Variants in SLC25A47 observed in about 807,000 individuals in gnomAD.
SLC25A47 encodes HCC-down-regulated mitochondrial carrier protein.
Under a neutral mutation model 29.8 loss-of-function variants are expected in SLC25A47, and 30 were observed. That is an observed-to-expected ratio of 1.01 (90% CI 0.75 to 1.36). The LOEUF is 1.36. Ranked by LOEUF, SLC25A47 falls within the 40% of genes most tolerant of loss-of-function variation. SLC25A47 has a pLI of 0.00. For synonymous variants in SLC25A47, 204 were observed against 197.8 expected, an observed-to-expected ratio of 1.03 and a Z score of -0.26; for missense variants, 430 against 441.9, an observed-to-expected ratio of 0.97 and a Z score of 0.24.
rs2040889959 is a variant in SLC25A47, at chr14:100,326,186, A to G, written c.102A>G (p.Thr34=). ...KVRIQTEPKY[T]GIWHCVRDTY... is the part of the protein sequence containing the mutation. The stretch of plus-strand genomic sequence containing the variant: ...GGATCCAGACGGAGCCAAAGTACAC[A>G]GGCATCTGGCACTGCGTCCGGGATA... The change falls in exon 3 of 6, where the codon ACA becomes ACG. Residue 34 remains threonine (T), a synonymous_variant. Transcript: ENST00000361529. 2 of 1,613,802 alleles carry G rather than the reference A, an allele frequency of 1.2e-6. No individual in the cohort carries two copies. Among genetic ancestry groups the G allele is most frequent in the Non-Finnish European group, 1.7e-6 (2 of 1,179,950 alleles).
At position 100,329,111 on chromosome 14, in the gene SLC25A47, T is replaced by A. The variant is rs1893399886; in HGVS notation, c.646+67T>A. The A allele has an allele frequency of 3.9e-6, 6 of 1,529,630 alleles. 1 individual carries two copies. In the Admixed American group the frequency reaches 1.2e-4, roughly 31 times the overall value. 94.8% of individuals were successfully genotyped at this position (1,529,630 alleles called of 1,614,324 possible). A position where few individuals can be genotyped will look rare whatever the true frequency, so the allele number is the denominator to read the frequency against. On this transcript the variant is annotated intron_variant, in intron 5 of 5. Transcript: ENST00000361529. ...GGATGAGGAGGTCAAGGTGAGGTCGTGCTGCCCGCCAGTACCCGAGTGGGG... is the reference window on the plus strand; with the variant it reads ...GGATGAGGAGGTCAAGGTGAGGTCGAGCTGCCCGCCAGTACCCGAGTGGGG...
In SLC25A47 at chr14:100,329,878, G is replaced by T; in HGVS notation, c.*233G>T. ...CCAGGGTTGGCCTAGGGTGGCAGGAGCCAGGGAGGAGTGGGCCTCTTTGAT... is the reference window on the plus strand; with the variant it reads ...CCAGGGTTGGCCTAGGGTGGCAGGATCCAGGGAGGAGTGGGCCTCTTTGAT... On this transcript the variant is annotated 3_prime_UTR_variant, in exon 6 of 6. Coordinates refer to ENST00000361529, the MANE Select transcript of SLC25A47 (RefSeq NM_207117.4). 1.7e-6 allele frequency: 1 copy of T among 597,512 alleles called. No homozygotes were observed. 37.0% of individuals were successfully genotyped at this position (597,512 alleles called of 1,614,324 possible). A position where few individuals can be genotyped will look rare whatever the true frequency, so the allele number is the denominator to read the frequency against.
chr14:100,329,136 G>C, intron 5 of SLC25A47, 92 bp downstream of exon 5: 1 of 1,438,626 alleles, frequency 7.0e-7, no homozygotes, highest in Admixed American at 2.3e-5. Flanking sequence ...CCCGAGTGGG[G>C]GCTTGAACTT....
intron 1 of SLC25A47, among the ~76,000 whole-genome samples, chr14:100,325,049 GT>G (rs1205464114): frequency 6.6e-6 from 1 of 152,216 alleles, no homozygotes; most frequent in Non-Finnish European, 1.5e-5. Flanking sequence ...ATAGGGTACA[GT>G]CCCCATGTGC....
At position 100,325,667 on chromosome 14, in the gene SLC25A47, A is replaced by G. The variant is rs113667929; in HGVS notation, c.29-121A>G. 1.3e-5 allele frequency: 13 copies of G among 992,386 alleles called. 2 individuals are homozygous for G. The highest frequency in any genetic ancestry group is 8.1e-5 in the South Asian group (5 of 61,388). 61.5% of individuals were successfully genotyped at this position (992,386 alleles called of 1,614,324 possible). ...GACCTGGTGCAGACCAGAAGGGCCA[A>G]ATGTGGGTCTGCCCTTGGGGGAGCC... On this transcript the variant is annotated intron_variant, in intron 1 of 5. Transcript: ENST00000361529.
rs770917714 is a variant in SLC25A47, at chr14:100,329,429, C to G, written c.711C>G (p.Pro237=). Residue 237 remains proline (P), a synonymous_variant, in exon 6 of 6, where the codon CCC becomes CCG. Transcript: ENST00000361529. ...TCCTGGCCTGGGCTGTGGCCACCCCCATGGACGTGATCAAGTCGAGACTGC... is the reference window on the plus strand; with the variant it reads ...TCCTGGCCTGGGCTGTGGCCACCCCGATGGACGTGATCAAGTCGAGACTGC... ...AGVLAWAVAT[P]MDVIKSRLQA... 3.7e-6 allele frequency: 6 copies of G among 1,613,288 alleles called. No homozygotes were observed. Among genetic ancestry groups the G allele is most frequent in the Non-Finnish European group, 5.1e-6 (6 of 1,179,980 alleles).
chr14:100,325,103 A>G lies in SLC25A47; in HGVS notation c.29-685A>G, dbSNP rs1280535256. 2.6e-4 allele frequency among the ~76,000 whole-genome samples: 39 copies of G among 152,066 alleles called. 1 individual carries two copies. The highest frequency in any genetic ancestry group is 2.5e-3 in the Admixed American group (38 of 15,268). On this transcript the variant is annotated intron_variant, in intron 1 of 5. Coordinates refer to ENST00000361529, the MANE Select transcript of SLC25A47 (RefSeq NM_207117.4). ...CCTTTACCACCTCCCCTCAGGGGAGAGAATGGTCCTCCCAGGGACCACCCT... is the reference window on the plus strand; with the variant it reads ...CCTTTACCACCTCCCCTCAGGGGAGGGAATGGTCCTCCCAGGGACCACCCT...
chr14:100,328,909 C>A lies in SLC25A47; in HGVS notation c.511C>A (p.Arg171Ser). 1 of 1,610,204 alleles carries A rather than the reference C, an allele frequency of 6.2e-7. No individual in the cohort carries two copies. The highest frequency in any genetic ancestry group is 8.5e-7 in the Non-Finnish European group (1 of 1,179,824). The change falls in exon 5 of 6, where the codon CGT becomes AGT. Residue 171 changes from arginine to serine, a missense_variant. Arg to Ser is a moderately radical substitution (Grantham distance 110, BLOSUM62 -1). Transcript: ENST00000361529. ...GPLHCLATVAREEGLCGLYKG... is the reference protein window; with the variant it reads ...GPLHCLATVASEEGLCGLYKG... Reference sequence around the variant, plus strand: ...ACTGCACTGCCTGGCCACGGTAGCCCGTGAGGAGGGGCTGTGCGGCCTCTA... The same window carrying A: ...ACTGCACTGCCTGGCCACGGTAGCCAGTGAGGAGGGGCTGTGCGGCCTCTA...
chr14:100,329,294 G>A lies in SLC25A47; in HGVS notation c.647-71G>A, dbSNP rs571230814. The A allele has an allele frequency of 3.1e-4, 466 of 1,509,164 alleles. 5 individuals are homozygous for A. The East Asian group carries it at 9.9e-3, about 32-fold the overall frequency. The allele number at this position is 1,509,164 out of a possible 1,614,324, so 93.5% of individuals were successfully genotyped here. A position where few individuals can be genotyped will look rare whatever the true frequency, so the allele number is the denominator to read the frequency against. On this transcript the variant is annotated intron_variant, in intron 5 of 5. Transcript: ENST00000361529. ...TTGCAAATGAGGACGGGCCGGAAGC[G>A]TGAGTCCAGGGTGCGCTGCCCTGGG...
rs1220866672 is a variant in SLC25A47 at position 100,328,795 on chromosome 14, C to A, written c.397C>A (p.Gln133Lys). 1 of 1,612,846 alleles carries A rather than the reference C, an allele frequency of 6.2e-7. No individual in the cohort carries two copies. Among genetic ancestry groups the A allele is most frequent in the African/African-American group, 1.3e-5 (1 of 74,948 alleles). ...GACGCAGACACAGGCGCAGAAGCAG[C>A]AGCGGCGGCTTTCGGCCTCGGGGCC... is the stretch of plus-strand genomic sequence containing the variant. ...LQTQTQAQKQ[Q>K]RRLSASGPLA... Residue 133 changes from glutamine to lysine, a missense_variant, in exon 5 of 6, where the codon CAG (glutamine) becomes AAG (lysine). Transcript: ENST00000361529.
chr14:100,327,862 G>C (rs1893370136), intron 4 of SLC25A47, among the ~76,000 whole-genome samples: 1 of 152,256 alleles, frequency 6.6e-6, no homozygotes, highest in Non-Finnish European at 1.5e-5. Context: ...ACAGCACGGA[G>C]CCAGCTGGAG....
Position 100,328,845 on chromosome 14 carries a change from T to C in SLC25A47, c.447T>C (p.Pro149=). ...CGTTGGCTGTGCCCCCCATGTGTCC[T>C]GTGCCCCCAGCCTGCCCAGAGCCCA... The part of the protein sequence containing the change: ...SGPLAVPPMC[P]VPPACPEPKY... The change falls in exon 5 of 6, where the codon CCT becomes CCC. Residue 149 remains proline, a synonymous_variant. Transcript: ENST00000361529. 6.2e-7 allele frequency: 1 copy of C among 1,612,486 alleles called. No homozygotes were observed.
Position 100,323,398 on chromosome 14 carries a change from C to G in SLC25A47, c.-17C>G, listed in dbSNP as rs1893282221. 1.2e-6 allele frequency: 2 copies of G among 1,613,430 alleles called. No homozygotes were observed. The highest frequency in any genetic ancestry group is 1.1e-5 in the South Asian group (1 of 91,082). ...CTCAGGCAGGCAGACCCAGGGCCTC[C>G]CCGCCACACCTTGTTCATGGATTTT... On this transcript the variant is annotated 5_prime_UTR_variant, in exon 1 of 6. Transcript: ENST00000361529.
intron 3 of SLC25A47, 83 bp downstream of exon 3, chr14:100,326,311 C>A: frequency 7.8e-7 from 1 of 1,288,040 alleles, no homozygotes; most frequent in Non-Finnish European, 1.1e-6. Flanking sequence ...TGATGCCAGG[C>A]TCCCCGCTGG....
rs546306523 is a variant in SLC25A47, at chr14:100,325,841, T to TAGCC, written c.72+15_72+18dup. ...CCTGGACACGGTGAAGGTGCGGCAA[T>TAGCC]AGCCAGCCCCCCAACCATCCTAAGG... is the stretch of plus-strand genomic sequence containing the variant. On this transcript the variant is annotated intron_variant, in intron 2 of 5. Coordinates refer to ENST00000361529, the MANE Select transcript of SLC25A47 (RefSeq NM_207117.4). 5.3e-4 allele frequency: 846 copies of TAGCC among 1,610,956 alleles called. 15 individuals carry two copies. The South Asian group carries it at 9.0e-3, about 17-fold the overall frequency.
intron 4 of SLC25A47, among the ~76,000 whole-genome samples, chr14:100,327,630 CT>C (rs890611719): frequency 2.6e-5 from 4 of 152,210 alleles, no homozygotes; most frequent in Admixed American, 2.6e-4. Context: ...CAAAGGGACT[CT>C]CCCTGTCACG....
Position 100,329,361 on chromosome 14 carries a change from G to A in SLC25A47, c.647-4G>A, listed in dbSNP as rs749275396. 1.9e-6 allele frequency: 3 copies of A among 1,593,916 alleles called. No individual in the cohort carries two copies. The highest frequency in any genetic ancestry group is 2.6e-6 in the Non-Finnish European group (3 of 1,170,790). ...CCAGTCAAGGCACTGTGGTCTCTCT[G>A]CAGATGTCCCGGGCGTGCTGGTGGC... is the stretch of plus-strand genomic sequence containing the variant. On this transcript the variant is annotated splice_polypyrimidine_tract_variant and splice_region_variant and intron_variant, in intron 5 of 5. Coordinates refer to ENST00000361529, the MANE Select transcript of SLC25A47 (RefSeq NM_207117.4).
chr14:100,327,121 T>A (rs1157286776), intron 3 of SLC25A47, 67 bp from the exon 4 acceptor site: 12 of 1,475,572 alleles, frequency 8.1e-6, no homozygotes, highest in Non-Finnish European at 7.3e-6. Context: ...CAGGGCTGAG[T>A]GTGGGCTCCC....
At position 100,326,159 on chromosome 14, in the gene SLC25A47, C is replaced by G; in HGVS notation, c.75C>G (p.Val25=). ...CCTGAAGCCCACTTCTCCTGCAGGTCAGGATCCAGACGGAGCCAAAGTACA... is the reference window on the plus strand; with the variant it reads ...CCTGAAGCCCACTTCTCCTGCAGGTGAGGATCCAGACGGAGCCAAAGTACA... ...AVGYPLDTVK[V]RIQTEPKYTG... The change falls in exon 3 of 6, where the codon GTC becomes GTG. Residue 25 remains valine (V), a splice_region_variant and synonymous_variant. Transcript: ENST00000361529. 1 of 1,613,376 alleles carries G rather than the reference C, an allele frequency of 6.2e-7. No homozygotes were observed. Among genetic ancestry groups the G allele is most frequent in the Non-Finnish European group, 8.5e-7 (1 of 1,179,756 alleles).
Sources: gnomAD v4.1 joint callset for allele counts (sites outside exome capture counted in the v4.1 genomes callset) on GRCh38, gnomAD v4.1.1 for gene constraint, MANE v1.5 for transcripts, NCBI Gene and HGNC (gene_info 2026-07-23, HGNC 2026-07-21) for gene names.